The following ZSCAN25 variants were observed in gnomAD, a reference collection of about 807,000 sequenced individuals.
ZSCAN25 encodes zinc finger and SCAN domain-containing protein 25.
In ZSCAN25, 27 loss-of-function variants were observed where a neutral mutation model predicts 38.7. The ratio of observed to expected loss-of-function variants is 0.70; its 90% CI spans 0.51 to 0.96. ZSCAN25 has a LOEUF of 0.96. Ranked by LOEUF, ZSCAN25 falls within the 40% of genes least tolerant of loss-of-function variation. The pLI is 0.00. For missense variants in ZSCAN25, 637 were observed against 705.9 expected (o/e 0.90, Z 1.11); for synonymous variants, 273 against 277.7 (o/e 0.98, Z 0.17).
At chr7:99,672,342 G>A in the ZSCAN25 span, among the ~76,000 whole-genome samples, 1 of 152,040 alleles carries the variant, frequency 6.6e-6, no homozygotes, top group Non-Finnish European at 1.5e-5. Context: ...GAGCCATTAT[G>A]CCCAGCCTGT....
rs1314053558 is a variant in ZSCAN25, at chr7:99,630,546, C to T, written c.*526C>T. 8.1e-6 allele frequency: 8 copies of T among 988,676 alleles called. No homozygotes were observed. Among genetic ancestry groups the T allele is most frequent in the South Asian group, 4.7e-5 (1 of 21,448 alleles). The allele number at this position is 988,676 out of a possible 1,614,324, so 61.2% of individuals were successfully genotyped here. ...GGGGGTTGTGCGTTGGGGATGCATG[C>T]GACAGCCCATGACCCGAGGCATTCT... On this transcript the variant is annotated 3_prime_UTR_variant, in exon 8 of 8. Transcript: ENST00000394152.
At chr7:99,678,263 G>T in the ZSCAN25 span, among the ~76,000 whole-genome samples, 3 of 152,186 alleles carry the variant, frequency 2.0e-5, no homozygotes, top group Admixed American at 6.5e-5. Flanking sequence ...CAACCTGTTT[G>T]CCCTTTGAGT....
chr7:99,621,262 C>G (rs1806928978), intron 4 of ZSCAN25, 111 bp from the exon 5 acceptor site: 1 of 1,017,936 alleles, frequency 9.8e-7, no homozygotes. Flanking sequence ...TTCCTCTCCC[C>G]TGAAGCTGGA....
chr7:99,658,050 G>A, the ZSCAN25 span, among the ~76,000 whole-genome samples: 1 of 152,134 alleles, frequency 6.6e-6, no homozygotes, highest in African/African-American at 2.4e-5. Flanking sequence ...GCCAGTCTGT[G>A]TCTTTTAATT....
the ZSCAN25 span, among the ~76,000 whole-genome samples, chr7:99,661,079 A>G: frequency 2.3e-4 from 35 of 152,214 alleles, no homozygotes; most frequent in Admixed American, 9.2e-4. Flanking sequence ...AGACTTTGAG[A>G]GAATTCCAAT....
chr7:99,690,728 C>T, the ZSCAN25 span, among the ~76,000 whole-genome samples: 6 of 152,042 alleles, frequency 3.9e-5, no homozygotes, highest in African/African-American at 1.5e-4. Context: ...AAATGCAAAT[C>T]AAAACCACAA....
intron 7 of ZSCAN25, 86 bp downstream of exon 7, chr7:99,624,266 G>T: frequency 6.3e-7 from 1 of 1,575,926 alleles, no homozygotes; most frequent in Non-Finnish European, 8.7e-7. Flanking sequence ...GGCGCTCCTG[G>T]CAAAGGAAGG....
chr7:99,633,715 G>A (rs1444222900), downstream of ZSCAN25, among the ~76,000 whole-genome samples: 1 of 152,148 alleles, frequency 6.6e-6, no homozygotes, highest in Non-Finnish European at 1.5e-5. Context: ...ACAGGTGTGG[G>A]CCACTGCACC....
chr7:99,735,033 G>A, the ZSCAN25 span: 2 of 1,614,124 alleles, frequency 1.2e-6, no homozygotes, highest in Non-Finnish European at 1.7e-6. Flanking sequence ...AGATAGAGGA[G>A]TATCAGGCTG....
chr7:99,624,126 C>T lies in ZSCAN25; in HGVS notation c.751C>T (p.Gln251Ter), dbSNP rs1230749879. 1 of 1,614,082 alleles carries T rather than the reference C, an allele frequency of 6.2e-7. No individual in the cohort carries two copies. Among genetic ancestry groups the T allele is most frequent in the Non-Finnish European group, 8.5e-7 (1 of 1,180,012 alleles). ...GGAGTGGAGGCATGTGACCCCAGCCCAGATAGACTGCTTTGGGGAGTATGT... is the reference window on the plus strand; with the variant it reads ...GGAGTGGAGGCATGTGACCCCAGCCTAGATAGACTGCTTTGGGGAGTATGT... ...EEEWRHVTPA[Q>*]IDCFGEYVEP... Residue 251 changes from glutamine (Q) to a stop codon, truncating the protein, a stop_gained, in exon 7 of 8, where the codon CAG becomes TAG. Coordinates refer to ENST00000394152, the MANE Select transcript of ZSCAN25 (RefSeq NM_145115.3). LOFTEE classifies it high-confidence loss of function.
chr7:99,630,579 T>C lies in ZSCAN25; in HGVS notation c.*559T>C. On this transcript the variant is annotated 3_prime_UTR_variant, in exon 8 of 8. Transcript: ENST00000394152. The stretch of plus-strand genomic sequence containing the variant: ...CATGACCCGAGGCATTCTCAGGGTA[T>C]CTGTGCTGTGTGCCCGTGAGAACAT... 3 of 987,774 alleles carry C rather than the reference T, an allele frequency of 3.0e-6. No homozygotes were observed. Among genetic ancestry groups the C allele is most frequent in the Non-Finnish European group, 2.4e-6 (2 of 831,660 alleles). The allele number at this position is 987,774 out of a possible 1,614,324, so 61.2% of individuals were successfully genotyped here.
intron 7 of ZSCAN25, among the ~76,000 whole-genome samples, chr7:99,627,131 G>T (rs998484937): frequency 1.3e-5 from 2 of 152,184 alleles, no homozygotes; most frequent in Non-Finnish European, 2.9e-5. Context: ...GCTGTATAAT[G>T]TGTGTTTTGT....
the ZSCAN25 span, among the ~76,000 whole-genome samples, chr7:99,703,712 T>G: frequency 6.6e-6 from 1 of 152,158 alleles, no homozygotes; most frequent in African/African-American, 2.4e-5. Flanking sequence ...TTTACTTCTT[T>G]GATAAATCCC....
chr7:99,672,474 T>G, the ZSCAN25 span: 1 of 965,066 alleles, frequency 1.0e-6, no homozygotes, highest in East Asian at 2.4e-5. Context: ...CATGGAACCT[T>G]CCTGTACATT....
At chr7:99,722,415 G>A in the ZSCAN25 span, 1 of 1,577,670 alleles carries the variant, frequency 6.3e-7, no homozygotes, top group South Asian at 1.1e-5. Flanking sequence ...CTCTAATTGG[G>A]GTTGAAAACA....
the ZSCAN25 span, among the ~76,000 whole-genome samples, chr7:99,696,641 C>T: frequency 6.6e-6 from 1 of 152,184 alleles, no homozygotes; most frequent in African/African-American, 2.4e-5. Context: ...AAACCAATTT[C>T]CAGGACATTC....
At chr7:99,658,888 T>C in the ZSCAN25 span, 1 of 152,260 alleles carries the variant, frequency 6.6e-6, no homozygotes, top group Non-Finnish European at 1.5e-5. Flanking sequence ...TACTGAGGCT[T>C]GTGCATTCAT....
chr7:99,695,901 A>G, the ZSCAN25 span: 3 of 1,447,548 alleles, frequency 2.1e-6, no homozygotes, highest in East Asian at 7.0e-5. Context: ...GGGGGCTGGT[A>G]AGTCACTGAC....
the ZSCAN25 span, chr7:99,663,948 T>G: frequency 2.5e-6 from 4 of 1,570,138 alleles, no homozygotes; most frequent in Admixed American, 8.7e-5. Flanking sequence ...CATCGTCATT[T>G]AACCACCATC....
Sources: gnomAD v4.1 joint callset for allele counts (sites outside exome capture counted in the v4.1 genomes callset) on GRCh38, gnomAD v4.1.1 for gene constraint, MANE v1.5 for transcripts, NCBI Gene and HGNC (gene_info 2026-07-23, HGNC 2026-07-21) for gene names.